INSC: variants seen among roughly 807,000 people sequenced by gnomAD.
The protein encoded by INSC is protein inscuteable homolog.
A neutral mutation model predicts 58.6 loss-of-function variants in INSC; 67 were observed. The ratio of observed to expected loss-of-function variants is 1.14; its 90% confidence interval spans 0.94 to 1.40. INSC has a LOEUF of 1.40. INSC is among the 40% of genes most tolerant of loss of function. The probability of loss-of-function intolerance (pLI) is 0.00; values close to 1 mark genes in which losing one functional copy is unlikely to be tolerated. For missense variants in INSC, 714 were observed against 692.0 expected, an observed-to-expected ratio of 1.03 and a Z score of -0.36; for synonymous variants, 262 against 276.1, an observed-to-expected ratio of 0.95 and a Z score of 0.51.
chr11:15,158,860 G>GTATTTTTTTTTTTTTTTTTT (rs1554907670), intron 2 of INSC, among the ~76,000 whole-genome samples: 2 of 109,706 alleles, frequency 1.8e-5, no homozygotes, highest in Admixed American at 1.1e-4. Context: ...ATTGTTGGTG[G>GTATTTTTTTTTTTTTTTTTT]TTTTTTTTTT....
At chr11:15,128,600 G>C (rs190438213) in intron 1 of INSC, among the ~76,000 whole-genome samples, 122 of 152,276 alleles carry the variant, frequency 8.0e-4, no homozygotes, top group African/African-American at 2.8e-3. Context: ...TTTTGGACTT[G>C]GGAAGGGGCA....
intron 11 of INSC, among the ~76,000 whole-genome samples, chr11:15,239,964 T>C (rs1852280041): frequency 6.6e-6 from 1 of 152,164 alleles, no homozygotes; most frequent in Non-Finnish European, 1.5e-5. Flanking sequence ...TTACAGAAGA[T>C]GGACACACAG....
intron 7 of INSC, among the ~76,000 whole-genome samples, chr11:15,209,188 C>A (rs1850924846): frequency 6.6e-6 from 1 of 152,188 alleles, no homozygotes; most frequent in Non-Finnish European, 1.5e-5. Flanking sequence ...CAGCACATTG[C>A]CCCTTTGGTA....
chr11:15,127,974 G>A (rs1848038340), intron 1 of INSC, among the ~76,000 whole-genome samples: 1 of 151,864 alleles, frequency 6.6e-6, no homozygotes. Context: ...CAGCCTGGGT[G>A]ACAGGGCGAG....
intron 7 of INSC, among the ~76,000 whole-genome samples, chr11:15,212,607 G>A (rs1851071200): frequency 6.6e-6 from 1 of 152,144 alleles, no homozygotes; most frequent in Admixed American, 6.5e-5. Flanking sequence ...TCCTAGTTAT[G>A]ATTTCATGCA....
chr11:15,135,177 G>A (rs1026653874), intron 1 of INSC, among the ~76,000 whole-genome samples: 6 of 152,172 alleles, frequency 3.9e-5, no homozygotes, highest in African/African-American at 1.4e-4. Context: ...AATTGTGGAA[G>A]TGCAAGATGT....
rs1851063662 is a variant in INSC, at chr11:15,212,427, CCTGCCGTGAG to C, written c.820-9048_820-9039del. Reference sequence around the variant, plus strand: ...GAATTACAGGCGTGAGCCACTGGGCCCTGCCGTGAGCCACTGGGCCCCGCCAGAAATTGAC... The same window carrying C: ...GAATTACAGGCGTGAGCCACTGGGCCCCACTGGGCCCCGCCAGAAATTGAC... On this transcript the variant is annotated intron_variant, in intron 7 of 12. Coordinates refer to ENST00000379556, the MANE Select transcript of INSC (RefSeq NM_001042536.3). Among the ~76,000 whole-genome samples the C allele has an allele frequency of 2.0e-5, 3 of 152,182 alleles. No individual in the cohort carries two copies. The South Asian group carries it at 6.2e-4, about 32-fold the overall frequency.
intron 1 of INSC, among the ~76,000 whole-genome samples, chr11:15,117,082 T>C (rs1424347106): frequency 6.6e-6 from 1 of 150,740 alleles, no homozygotes; most frequent in African/African-American, 2.4e-5. Context: ...GCTGGGATTA[T>C]AGACCCCCAC....
chr11:15,122,107 T>C (rs1043122241), intron 1 of INSC, among the ~76,000 whole-genome samples: 1 of 152,200 alleles, frequency 6.6e-6, no homozygotes, highest in African/African-American at 2.4e-5. Flanking sequence ...TATGCTCTCT[T>C]AGCAAACAGA....
At chr11:15,243,458 C>T (rs1344675941) in intron 12 of INSC, among the ~76,000 whole-genome samples, 1 of 152,196 alleles carries the variant, frequency 6.6e-6, no homozygotes, top group Admixed American at 6.5e-5. Context: ...TGTTTTCAGG[C>T]TGTCTGGGAA....
intron 9 of INSC, among the ~76,000 whole-genome samples, chr11:15,231,754 G>T (rs1370989187): frequency 6.6e-6 from 1 of 152,200 alleles, no homozygotes; most frequent in South Asian, 2.1e-4. Flanking sequence ...TTTGTTGAAA[G>T]TTCTTTAGAT....
intron 7 of INSC, among the ~76,000 whole-genome samples, chr11:15,210,308 AT>A (rs1395025490): frequency 1.3e-5 from 2 of 152,108 alleles, no homozygotes; most frequent in African/African-American, 4.8e-5. Context: ...ATATGAAGTA[AT>A]TTTGTGAGAT....
Position 15,177,158 on chromosome 11 carries a change from A to G in INSC, c.450A>G (p.Thr150=), listed in dbSNP as rs752387191. ...AATGCTCGGAGCTCTCGGCAGTCACAGAGAGGTAAATTTGGACCATAGATC... is the reference window on the plus strand; with the variant it reads ...AATGCTCGGAGCTCTCGGCAGTCACGGAGAGGTAAATTTGGACCATAGATC... ...MEKCSELSAV[T]ERCLQVENEH... Residue 150 remains threonine (T), a synonymous_variant, in exon 4 of 13, where the codon ACA becomes ACG. Coordinates refer to ENST00000379556, the MANE Select transcript of INSC (RefSeq NM_001042536.3). 6.2e-7 allele frequency: 1 copy of G among 1,613,930 alleles called. No homozygotes were observed. Among genetic ancestry groups the G allele is most frequent in the African/African-American group, 1.3e-5 (1 of 75,042 alleles).
intron 8 of INSC, among the ~76,000 whole-genome samples, chr11:15,222,731 C>T (rs903136260): frequency 6.6e-6 from 1 of 152,188 alleles, no homozygotes; most frequent in Non-Finnish European, 1.5e-5. Flanking sequence ...TAGAAGACAT[C>T]AGTTAAGTTG....
intron 5 of INSC, among the ~76,000 whole-genome samples, chr11:15,180,694 C>CGGGGGGGGGGTGGGGGGGGGGGGGGGG (rs756237896): frequency 2.4e-5 from 1 of 41,820 alleles, no homozygotes; most frequent in Non-Finnish European, 4.5e-5. Context: ...AGGGGGGGGG[C>CGGGGGGGGGGTGGGGGGGGGGGGGGGG]GGGGGGGGGT....
chr11:15,244,772 A>G (rs1852495829), intron 12 of INSC, among the ~76,000 whole-genome samples: 1 of 152,136 alleles, frequency 6.6e-6, no homozygotes, highest in African/African-American at 2.4e-5. Context: ...TTCTTTTGCC[A>G]TTCTAGATAT....
At chr11:15,120,962 A>C (rs888036071) in intron 1 of INSC, among the ~76,000 whole-genome samples, 1 of 151,862 alleles carries the variant, frequency 6.6e-6, no homozygotes, top group African/African-American at 2.4e-5. Context: ...CAATCATGCA[A>C]AAATATTATT....
intron 5 of INSC, among the ~76,000 whole-genome samples, chr11:15,178,787 G>A (rs2133830980): frequency 6.6e-6 from 1 of 152,270 alleles, no homozygotes; most frequent in African/African-American, 2.4e-5. Flanking sequence ...CCCAGAGCCT[G>A]TGTCCTGAAG....
chr11:15,254,077 C>T, the INSC span, among the ~76,000 whole-genome samples: 3 of 152,154 alleles, frequency 2.0e-5, no homozygotes, highest in Admixed American at 6.5e-5. Context: ...AGTCATTTTA[C>T]CAAGTGTTAC....
Sources: allele counts gnomAD v4.1 joint callset (sites outside exome capture counted in the v4.1 genomes callset), GRCh38; gene constraint gnomAD v4.1.1; transcripts MANE v1.5; gene names NCBI Gene and HGNC (gene_info 2026-07-23, HGNC 2026-07-21).